Variants in D2HGDH observed in about 807,000 individuals in gnomAD.
D2HGDH encodes D-2-hydroxyglutarate dehydrogenase, mitochondrial.
Under a neutral mutation model 46.9 loss-of-function variants are expected in D2HGDH, and 31 were observed. That is an observed-to-expected ratio of 0.66 (90% CI 0.50 to 0.89). The LOEUF (loss-of-function observed/expected upper bound fraction) is 0.89, where lower values mean the gene tolerates loss of function less well. D2HGDH is among the 40% of genes least tolerant of loss of function. The pLI is 0.00. For missense variants in D2HGDH, 698 were observed against 720.8 expected, an observed-to-expected ratio of 0.97 and a Z score of 0.36; for synonymous variants, 364 against 332.6, an observed-to-expected ratio of 1.09 and a Z score of -1.03.
chr2:241,761,602 C>T (rs965514128), intron 9 of D2HGDH, among the ~76,000 whole-genome samples: 2 of 152,160 alleles, frequency 1.3e-5, no homozygotes, highest in Non-Finnish European at 2.9e-5. Context: ...CATTTCCTGT[C>T]AGAGACTCGA....
Position 241,750,147 on chromosome 2 carries a change from T to TGTGA in D2HGDH, c.854-4_854-3insGTGA. 1 of 1,613,990 alleles carries TGTGA rather than the reference T, an allele frequency of 6.2e-7. No individual in the cohort carries two copies. Among genetic ancestry groups the TGTGA allele is most frequent in the Non-Finnish European group, 8.5e-7 (1 of 1,180,026 alleles). On this transcript the variant is annotated splice_polypyrimidine_tract_variant and splice_region_variant and intron_variant, in intron 6 of 9. Transcript: ENST00000321264. ...GGTGCTTGACATGCTGTGACCCGTT[T>TGTGA]CAGGCTGCCCAGGCTTTGCTGAGGT...
chr2:241,750,214 T>G lies in D2HGDH; in HGVS notation c.917T>G (p.Ile306Ser), dbSNP rs1439829797. The G allele has an allele frequency of 4.3e-6, 7 of 1,614,086 alleles. No homozygotes were observed. The South Asian group carries it at 6.6e-5, about 15-fold the overall frequency. The change falls in exon 7 of 10, where the codon ATC becomes AGC. Residue 306 changes from isoleucine to serine, a missense_variant. Coordinates refer to ENST00000321264, the MANE Select transcript of D2HGDH (RefSeq NM_152783.5). Reference protein sequence around the residue: ...FSTCKGMLGEILSAFEFMDAV... With the variant: ...FSTCKGMLGESLSAFEFMDAV... ...ACCTGCAAGGGGATGCTGGGTGAGA[T>G]CCTGTCTGCATTCGAGTTCATGGAT...
rs1695430799 is a variant in D2HGDH, at chr2:241,744,842, C to T, written c.818C>T (p.Pro273Leu). Residue 273 changes from proline (P) to leucine (L), a missense_variant, in exon 6 of 10, where the codon CCA becomes CTA. Pro to Leu is a moderately conservative substitution (Grantham distance 98). Coordinates refer to ENST00000321264, the MANE Select transcript of D2HGDH (RefSeq NM_152783.5). ...ATCACCACGGTGTCCATCTTGTGTC[C>T]ACCCAAGCCCAGGGCTGTGAACGTG... ...GIITTVSILCPPKPRAVNVAF... is the reference protein window; with the variant it reads ...GIITTVSILCLPKPRAVNVAF... 6.2e-7 allele frequency: 1 copy of T among 1,613,920 alleles called. No individual in the cohort carries two copies. The highest frequency in any genetic ancestry group is 8.5e-7 in the Non-Finnish European group (1 of 1,179,982).
In D2HGDH at chr2:241,750,768, C is replaced by T. The variant is rs111901988; in HGVS notation, c.997+474C>T. ...TTGGCTCACTGCAGCCTCCACCTCC[C>T]GGATTCAAACCATTCTCCTGCCTCA... On this transcript the variant is annotated intron_variant, in intron 7 of 9. Transcript: ENST00000321264. 9.5e-3 allele frequency among the ~76,000 whole-genome samples: 1,447 copies of T among 152,210 alleles called. 29 individuals are homozygous for T. The highest frequency in any genetic ancestry group is 0.033 in the African/African-American group (1,367 of 41,532).
chr2:241,759,552 T>C (rs563834571), intron 9 of D2HGDH, among the ~76,000 whole-genome samples: 1 of 152,202 alleles, frequency 6.6e-6, no homozygotes, highest in African/African-American at 2.4e-5. Context: ...GTGATTTAGA[T>C]GTGTTTCTTG....
In D2HGDH at chr2:241,756,773, C is replaced by T. The variant is rs547804077; in HGVS notation, c.1306+759C>T. Among the ~76,000 whole-genome samples the T allele has an allele frequency of 4.6e-5, 7 of 152,348 alleles. No individual in the cohort carries two copies. The South Asian group carries it at 1.2e-3, about 27-fold the overall frequency. On this transcript the variant is annotated intron_variant, in intron 9 of 9. Transcript: ENST00000321264. ...CTGACCTCTGGTGATCTGCCCACTT[C>T]GGCCTCTCAAAGTGCTGGGATTACA...
chr2:241,756,135 C>T lies in D2HGDH; in HGVS notation c.1306+121C>T, dbSNP rs140124131. 3.7e-3 allele frequency: 5,028 copies of T among 1,357,066 alleles called. 20 individuals are homozygous for T. Among genetic ancestry groups the T allele is most frequent in the Middle Eastern group, 6.8e-3 (26 of 3,822 alleles). The allele number at this position is 1,357,066 out of a possible 1,614,324, so 84.1% of individuals were successfully genotyped here. On this transcript the variant is annotated intron_variant, in intron 9 of 9. Coordinates refer to ENST00000321264, the MANE Select transcript of D2HGDH (RefSeq NM_152783.5). Reference sequence around the variant, plus strand: ...CCATGGTCTCTGGCTTAGCATATCTCCCGTAGACACTGGCAGGACCACGGT... The same window carrying T: ...CCATGGTCTCTGGCTTAGCATATCTTCCGTAGACACTGGCAGGACCACGGT...
Position 241,744,935 on chromosome 2 carries a change from A to G in D2HGDH, c.853+58A>G, listed in dbSNP as rs1559365141. 6.2e-6 allele frequency: 10 copies of G among 1,605,110 alleles called. No individual in the cohort carries two copies. In the Admixed American group the frequency reaches 6.7e-5, roughly 11 times the overall value. On this transcript the variant is annotated intron_variant, in intron 6 of 9. Transcript: ENST00000321264. ...TGGTTGGGCTCGAGCGTCTGCTCTG[A>G]TGGTGCCACTGTTGGTGTGAGGAAG...
chr2:241,753,013 C>T (rs908196088), intron 8 of D2HGDH, among the ~76,000 whole-genome samples: 29 of 152,142 alleles, frequency 1.9e-4, no homozygotes, highest in African/African-American at 7.0e-4. Context: ...CTGGTCCAGT[C>T]CTAGACCTGT....
chr2:241,763,065 C>A (rs941004046), intron 9 of D2HGDH, among the ~76,000 whole-genome samples: 3 of 152,146 alleles, frequency 2.0e-5, no homozygotes, highest in African/African-American at 7.2e-5. Context: ...TGGGGCCCCG[C>A]CCGGAACCTC....
chr2:241,745,884 G>T (rs1559367347), intron 6 of D2HGDH, among the ~76,000 whole-genome samples: 1 of 152,092 alleles, frequency 6.6e-6, no homozygotes, highest in Admixed American at 6.6e-5. Flanking sequence ...ACGCTGACCC[G>T]CTGTCCTCTG....
rs527700327 is a variant in D2HGDH at position 241,741,574 on chromosome 2, T to C, written c.350+484T>C. Among the ~76,000 whole-genome samples the C allele has an allele frequency of 1.6e-3, 142 of 90,146 alleles. 3 individuals are homozygous for C. Among genetic ancestry groups the C allele is most frequent in the African/African-American group, 0.011 (136 of 12,840 alleles). 59.1% of individuals were successfully genotyped at this position (90,146 alleles called of 152,430 possible). A position where few individuals can be genotyped will look rare whatever the true frequency, so the allele number is the denominator to read the frequency against. ...TTTATTTCATGTGTGGGGCTTGCTG[T>C]CTCCAGGGTTTATTTCATGTGTGGG... On this transcript the variant is annotated intron_variant, in intron 3 of 9. Transcript: ENST00000321264.
intron 7 of D2HGDH, among the ~76,000 whole-genome samples, chr2:241,750,845 C>T (rs571924992): frequency 6.6e-6 from 1 of 152,218 alleles, no homozygotes; most frequent in South Asian, 2.1e-4. Flanking sequence ...GCAGCTTCCA[C>T]CTCCCGGGTT....
At chr2:241,763,772 G>A (rs1553613348) in intron 9 of D2HGDH, among the ~76,000 whole-genome samples, 5 of 152,162 alleles carry the variant, frequency 3.3e-5, no homozygotes, top group Non-Finnish European at 7.3e-5. Flanking sequence ...GCTCACACCT[G>A]TAATCTCAGC....
intron 8 of D2HGDH, among the ~76,000 whole-genome samples, chr2:241,753,083 G>T (rs1466723405): frequency 2.0e-5 from 3 of 152,204 alleles, no homozygotes; most frequent in Non-Finnish European, 2.9e-5. Context: ...AATGGGGCTG[G>T]TTCTGTGTTC....
At chr2:241,748,417 G>A (rs181501466) in intron 6 of D2HGDH, among the ~76,000 whole-genome samples, 8 of 152,294 alleles carry the variant, frequency 5.3e-5, no homozygotes, top group Middle Eastern at 3.4e-3. Flanking sequence ...CACTGTGCCC[G>A]GCCTCTTCAG....
intron 1 of D2HGDH, 72 bp from the exon 2 acceptor site, chr2:241,735,061 C>T: frequency 3.8e-6 from 3 of 797,374 alleles, no homozygotes; most frequent in South Asian, 2.1e-5. Context: ...CCTGCCCCCT[C>T]CCTGCTTCTG....
intron 6 of D2HGDH, 105 bp downstream of exon 6, chr2:241,744,982 A>C: frequency 1.5e-6 from 2 of 1,299,502 alleles, no homozygotes; most frequent in Non-Finnish European, 2.2e-6. Context: ...ACCCCCCGCC[A>C]AGGACAGTCG....
chr2:241,749,876 G>A (rs1371599905), intron 6 of D2HGDH: 1 of 495,980 alleles, frequency 2.0e-6, no homozygotes, highest in Admixed American at 3.0e-5. Flanking sequence ...TCTGATGCTG[G>A]TGGTGACACC....
Sources: gnomAD v4.1 joint callset for allele counts (sites outside exome capture counted in the v4.1 genomes callset) on GRCh38, gnomAD v4.1.1 for gene constraint, MANE v1.5 for transcripts, NCBI Gene and HGNC (gene_info 2026-07-23, HGNC 2026-07-21) for gene names.